Variants in GPR19 observed in about 807,000 individuals in gnomAD.
GPR19 encodes probable G protein-coupled receptor 19.
GPR19 carries 14 observed loss-of-function variants against 28.5 expected under a neutral mutation model. That is an observed-to-expected ratio of 0.49 (90% CI 0.32 to 0.77). The LOEUF is 0.77. Ranked by LOEUF, GPR19 falls within the 30% of genes least tolerant of loss-of-function variation. GPR19 has a pLI of 0.03. For synonymous variants in GPR19, 173 were observed against 184.1 expected, an observed-to-expected ratio of 0.94 and a Z score of 0.49; for missense variants, 409 against 504.1, an observed-to-expected ratio of 0.81 and a Z score of 1.81.
chr12:12,672,803 T>G (rs1177204239), intron 3 of GPR19, among the ~76,000 whole-genome samples: 1 of 152,112 alleles, frequency 6.6e-6, no homozygotes, highest in Non-Finnish European at 1.5e-5. Context: ...TGATGGCATA[T>G]GCAAAATAGT....
chr12:12,705,819 G>C, the GPR19 span, among the ~76,000 whole-genome samples: 1 of 152,026 alleles, frequency 6.6e-6, no homozygotes, highest in African/African-American at 2.4e-5. Context: ...CAAATTGCTG[G>C]GATTAGAAAC....
At chr12:12,682,762 A>G (rs1284723603) in intron 3 of GPR19, among the ~76,000 whole-genome samples, 1 of 152,226 alleles carries the variant, frequency 6.6e-6, no homozygotes, top group Non-Finnish European at 1.5e-5. Context: ...TAGGAATCAG[A>G]TCAGTCATCT....
At chr12:12,665,624 G>A (rs1307538431) in intron 3 of GPR19, among the ~76,000 whole-genome samples, 1 of 152,040 alleles carries the variant, frequency 6.6e-6, no homozygotes, top group African/African-American at 2.4e-5. Flanking sequence ...GGATCACAAG[G>A]TCAGGAGATC....
intron 2 of GPR19, among the ~76,000 whole-genome samples, chr12:12,691,028 TG>T (rs2136335863): frequency 6.6e-6 from 1 of 152,354 alleles, no homozygotes; most frequent in East Asian, 1.9e-4. Flanking sequence ...TTGATTGAGT[TG>T]ACTGTTTTTA....
chr12:12,710,908 A>G, the GPR19 span, among the ~76,000 whole-genome samples: 9 of 152,236 alleles, frequency 5.9e-5, no homozygotes, highest in African/African-American at 1.9e-4. Flanking sequence ...GTTAATTTCA[A>G]TGCTCATACT....
At chr12:12,697,883 T>A (rs1180084230), upstream of GPR19, among the ~76,000 whole-genome samples, 1 of 152,180 alleles carries the variant, frequency 6.6e-6, no homozygotes, top group African/African-American at 2.4e-5. Context: ...CTAGAGGTAC[T>A]CTGACTTGGT....
upstream of GPR19, among the ~76,000 whole-genome samples, chr12:12,696,618 C>T (rs544163199): frequency 2.0e-5 from 3 of 152,308 alleles, no homozygotes; most frequent in East Asian, 5.8e-4. Context: ...TTTTGTTTGG[C>T]TTTTCCGCTT....
intron 2 of GPR19, among the ~76,000 whole-genome samples, chr12:12,692,714 T>C (rs1272896556): frequency 2.6e-5 from 4 of 151,828 alleles, no homozygotes; most frequent in Non-Finnish European, 4.4e-5. Flanking sequence ...TTTTTTTTTT[T>C]CTCCAACTGG....
At chr12:12,711,702 T>G in the GPR19 span, among the ~76,000 whole-genome samples, 1 of 152,176 alleles carries the variant, frequency 6.6e-6, no homozygotes, top group African/African-American at 2.4e-5. Context: ...GAGGATAACT[T>G]GAGCCCAAGA....
the GPR19 span, chr12:12,717,233 G>A: frequency 1.9e-6 from 2 of 1,051,966 alleles, no homozygotes; most frequent in Non-Finnish European, 2.3e-6. Flanking sequence ...GCGCGCTCGG[G>A]AACGAGGGGA....
intron 3 of GPR19, among the ~76,000 whole-genome samples, chr12:12,669,650 A>T (rs1399790957): frequency 6.6e-6 from 1 of 152,220 alleles, no homozygotes; most frequent in Admixed American, 6.5e-5. Context: ...CAGCCATGGT[A>T]GGAGTATGGC....
intron 3 of GPR19, among the ~76,000 whole-genome samples, chr12:12,668,659 A>T (rs1351881954): frequency 1.4e-5 from 2 of 146,794 alleles, no homozygotes. Context: ...TATAATATTG[A>T]TTTTTTACAT....
chr12:12,698,985 T>C (rs1946298696), upstream of GPR19, among the ~76,000 whole-genome samples: 1 of 152,084 alleles, frequency 6.6e-6, no homozygotes, highest in Non-Finnish European at 1.5e-5. Flanking sequence ...ATAGGGAAGA[T>C]GAAAAATTTG....
chr12:12,701,069 C>T (rs1193498487), upstream of GPR19, among the ~76,000 whole-genome samples: 2 of 152,092 alleles, frequency 1.3e-5, no homozygotes, highest in South Asian at 2.1e-4. Flanking sequence ...AAAATCCGAT[C>T]GAGGATTTTG....
At chr12:12,688,880 G>T in intron 2 of GPR19, 1 of 152,366 alleles carries the variant, frequency 6.6e-6, no homozygotes, top group Non-Finnish European at 1.5e-5. Context: ...AGCATCACAG[G>T]ACAGCATGTT....
chr12:12,699,942 T>C (rs909818447), upstream of GPR19, among the ~76,000 whole-genome samples: 2 of 151,344 alleles, frequency 1.3e-5, no homozygotes, highest in African/African-American at 4.8e-5. Flanking sequence ...ATGTTTCAAA[T>C]AGAAAAGAGA....
chr12:12,668,255 T>G (rs1202117407), intron 3 of GPR19, among the ~76,000 whole-genome samples: 2 of 152,254 alleles, frequency 1.3e-5, no homozygotes, highest in Non-Finnish European at 2.9e-5. Context: ...CAAATGCTCT[T>G]GGAACCAGCT....
the GPR19 span, among the ~76,000 whole-genome samples, chr12:12,703,189 TCAA>T: frequency 6.6e-6 from 1 of 152,086 alleles, no homozygotes; most frequent in Admixed American, 6.6e-5. Context: ...ACACCTGGGG[TCAA>T]GTATCACATG....
the GPR19 span, chr12:12,703,530 A>G: frequency 2.2e-6 from 1 of 459,488 alleles, no homozygotes; most frequent in East Asian, 1.6e-4. Flanking sequence ...CCCTCGCTCT[A>G]GCACATAGTG....
Sources: gnomAD v4.1 joint callset for allele counts (sites outside exome capture counted in the v4.1 genomes callset) on GRCh38, gnomAD v4.1.1 for gene constraint, MANE v1.5 for transcripts, NCBI Gene and HGNC (gene_info 2026-07-23, HGNC 2026-07-21) for gene names.